The following STOX1 variants were observed in gnomAD, a reference collection of about 807,000 sequenced individuals.
The protein encoded by STOX1 is storkhead-box protein 1.
In STOX1, 57 loss-of-function variants were observed where a neutral mutation model predicts 74.8. That is an observed-to-expected ratio of 0.76 (90% CI 0.62 to 0.95). The LOEUF (loss-of-function observed/expected upper bound fraction) is 0.95, where lower values mean the gene tolerates loss of function less well. STOX1 is among the 40% of genes least tolerant of loss of function. The pLI, the probability that STOX1 is intolerant of heterozygous loss-of-function variation, is 0.00. For synonymous variants in STOX1, 375 were observed against 401.3 expected (o/e 0.93, Z 0.78); for missense variants, 1,010 against 1,117.0 (o/e 0.90, Z 1.37).
intron 1 of STOX1, among the ~76,000 whole-genome samples, chr10:68,848,002 A>T (rs570690089): frequency 1.1e-4 from 16 of 152,294 alleles, no homozygotes; most frequent in African/African-American, 3.4e-4. Flanking sequence ...GAGTCCTGGG[A>T]TTACAGGCGT....
intron 1 of STOX1, among the ~76,000 whole-genome samples, chr10:68,852,730 A>G (rs974012895): frequency 6.6e-6 from 1 of 150,648 alleles, no homozygotes; most frequent in Non-Finnish European, 1.5e-5. Flanking sequence ...CTACAGGCAC[A>G]TGCCACCATG....
chr10:68,851,963 A>T (rs945391066), intron 1 of STOX1, among the ~76,000 whole-genome samples: 58 of 151,954 alleles, frequency 3.8e-4, no homozygotes, highest in Non-Finnish European at 7.4e-4. Context: ...GTGAAACCCC[A>T]TTTCTACTAA....
At chr10:68,863,348 C>T (rs1840312799) in intron 1 of STOX1, among the ~76,000 whole-genome samples, 1 of 152,020 alleles carries the variant, frequency 6.6e-6, no homozygotes, top group Admixed American at 6.5e-5. Context: ...ACTGGTTGTC[C>T]CGCCTTCCTC....
intron 1 of STOX1, among the ~76,000 whole-genome samples, chr10:68,839,040 G>A (rs1839630301): frequency 6.6e-6 from 1 of 152,106 alleles, no homozygotes; most frequent in Admixed American, 6.6e-5. Flanking sequence ...CCTTTGTTGT[G>A]TTGAAGTAAT....
rs61496914 is a variant in STOX1, at chr10:68,844,177, CA to C, written c.310+16257del. Among the ~76,000 whole-genome samples, 1,276 of 138,476 alleles carry C rather than the reference CA, an allele frequency of 9.2e-3. 19 individuals carry two copies. The highest frequency in any genetic ancestry group is 0.03 in the African/African-American group (1,138 of 38,260). The allele number at this position is 138,476 out of a possible 152,430, so 90.8% of individuals were successfully genotyped here. A position where few individuals can be genotyped will look rare whatever the true frequency, so the allele number is the denominator to read the frequency against. On this transcript the variant is annotated intron_variant, in intron 1 of 3. Transcript: ENST00000298596. ...CCTGGGAGACAGCAAGAATCTGTCT[CA>C]AAAAAAAAAAAATTGTTGGATAGTG...
intron 1 of STOX1, among the ~76,000 whole-genome samples, chr10:68,855,622 T>G (rs1339157840): frequency 6.6e-6 from 1 of 151,724 alleles, no homozygotes; most frequent in African/African-American, 2.4e-5. Flanking sequence ...TTTTTAAATT[T>G]TTTGTAGTGA....
At chr10:68,875,084 C>A (rs994997111) in intron 1 of STOX1, among the ~76,000 whole-genome samples, 1 of 152,186 alleles carries the variant, frequency 6.6e-6, no homozygotes, top group African/African-American at 2.4e-5. Flanking sequence ...TTTTTAGTTA[C>A]CTTCAAGATG....
chr10:68,873,179 T>G (rs1158696078), intron 1 of STOX1, among the ~76,000 whole-genome samples: 1 of 151,966 alleles, frequency 6.6e-6, no homozygotes, highest in African/African-American at 2.4e-5. Context: ...CCAGCCACAT[T>G]CAGATTTGAT....
chr10:68,887,821 C>T (rs879359882), intron 3 of STOX1, among the ~76,000 whole-genome samples: 4 of 151,980 alleles, frequency 2.6e-5, no homozygotes, highest in Non-Finnish European at 5.9e-5. Context: ...TCTTGAACTC[C>T]TGACCTCAAG....
At chr10:68,872,626 C>T (rs993439092) in intron 1 of STOX1, among the ~76,000 whole-genome samples, 2 of 152,090 alleles carry the variant, frequency 1.3e-5, no homozygotes, top group Non-Finnish European at 2.9e-5. Flanking sequence ...GGATTACAGG[C>T]GTGAGCCACT....
intron 3 of STOX1, among the ~76,000 whole-genome samples, chr10:68,891,095 G>A (rs1353530997): frequency 6.6e-6 from 1 of 152,140 alleles, no homozygotes; most frequent in East Asian, 1.9e-4. Flanking sequence ...TAGGTGACTA[G>A]GAATTTTGAT....
chr10:68,885,111 G>C lies in STOX1; in HGVS notation c.1315G>C (p.Gly439Arg). The change falls in exon 3 of 4, where the codon GGA (glycine) becomes CGA (arginine). Residue 439 changes from glycine to arginine, a missense_variant. By Grantham distance (125) the Gly-to-Arg change is moderately radical. Transcript: ENST00000298596. ...GGATAGACACAAAGCCAGGAATCAG[G>C]GAAGTGAGTTTCAGCCAGGAAGCAT... ...RRDRHKARNQ[G>R]SEFQPGSIRL... 1 of 1,613,106 alleles carries C rather than the reference G, an allele frequency of 6.2e-7. No individual in the cohort carries two copies.
chr10:68,863,440 C>A (rs1011815395), intron 1 of STOX1, among the ~76,000 whole-genome samples: 4 of 151,706 alleles, frequency 2.6e-5, no homozygotes, highest in African/African-American at 9.7e-5. Flanking sequence ...AAAAAAAAAA[C>A]AGATGAGGAA....
intron 1 of STOX1, among the ~76,000 whole-genome samples, chr10:68,837,901 C>A (rs954087396): frequency 1.3e-5 from 2 of 152,196 alleles, no homozygotes; most frequent in Admixed American, 6.5e-5. Context: ...AGTACAAACA[C>A]CAGCATGTCT....
chr10:68,833,382 A>G (rs1443493698), intron 1 of STOX1, among the ~76,000 whole-genome samples: 1 of 152,080 alleles, frequency 6.6e-6, no homozygotes, highest in Admixed American at 6.6e-5. Context: ...GCCGTAGACA[A>G]AACTCCTCAG....
At chr10:68,873,081 A>G (rs1253113705) in intron 1 of STOX1, among the ~76,000 whole-genome samples, 2 of 151,814 alleles carry the variant, frequency 1.3e-5, no homozygotes, top group Non-Finnish European at 2.9e-5. Flanking sequence ...ATCATCATAG[A>G]TCACTGCAGC....
intron 1 of STOX1, among the ~76,000 whole-genome samples, chr10:68,872,930 C>T (rs1021169861): frequency 2.0e-5 from 3 of 150,322 alleles, no homozygotes; most frequent in Non-Finnish European, 3.0e-5. Context: ...TTTTTTTTTC[C>T]CCTTAACGGT....
chr10:68,886,310 C>G lies in STOX1; in HGVS notation c.2514C>G (p.Pro838=). 6.2e-7 allele frequency: 1 copy of G among 1,614,158 alleles called. No homozygotes were observed. The change falls in exon 3 of 4, where the codon CCC becomes CCG. Residue 838 remains proline, a synonymous_variant. Coordinates refer to ENST00000298596, the MANE Select transcript of STOX1 (RefSeq NM_152709.5). Reference sequence around the variant, plus strand: ...TTGGTTTTAACTACGAAGAAGAACCCAGTGTTGCTAAATGTGTACAGGCCT... The same window carrying G: ...TTGGTTTTAACTACGAAGAAGAACCGAGTGTTGCTAAATGTGTACAGGCCT... ...AQFGFNYEEE[P]SVAKCVQASA...
chr10:68,873,389 T>G (rs1327929012), intron 1 of STOX1, among the ~76,000 whole-genome samples: 1 of 150,598 alleles, frequency 6.6e-6, no homozygotes, highest in Non-Finnish European at 1.5e-5. Flanking sequence ...GCCTCCTGAG[T>G]AGCTGGGACT....
Sources: gnomAD v4.1 joint callset for allele counts (sites outside exome capture counted in the v4.1 genomes callset) on GRCh38, gnomAD v4.1.1 for gene constraint, MANE v1.5 for transcripts, NCBI Gene and HGNC (gene_info 2026-07-23, HGNC 2026-07-21) for gene names.